The following FAAH2 variants were observed in gnomAD, a reference collection of about 807,000 sequenced individuals.
The protein encoded by FAAH2 is fatty acid amide hydrolase 2, also known as fatty-acid amide hydrolase 2.
Under a neutral mutation model 36.9 loss-of-function variants are expected in FAAH2, and 60 were observed. The observed-to-expected ratio is 1.63, with a 90% CI of 1.32 to 2.02. The LOEUF (loss-of-function observed/expected upper bound fraction) is 2.02. FAAH2 is among the 30% of genes most tolerant of loss of function. The pLI, the probability that FAAH2 is intolerant of heterozygous loss-of-function variation, is 0.00. For missense variants in FAAH2, 689 were observed against 397.5 expected (o/e 1.73, Z -6.23); for synonymous variants, 214 against 143.8 (o/e 1.49, Z -3.49).
chrX:57,434,283 G>T lies in FAAH2; in HGVS notation c.1116+2246G>T, dbSNP rs555692994. On this transcript the variant is annotated intron_variant, in intron 8 of 10. Coordinates refer to ENST00000374900, the MANE Select transcript of FAAH2 (RefSeq NM_174912.4). ...TAGAGATGGGGTTTCACCATTTTTG[G>T]CCAGGCTAGTCTCAAACTCCTGACC... 3.7e-5 allele frequency among the ~76,000 whole-genome samples: 4 copies of T among 108,311 alleles called. No homozygotes were observed. In the Admixed American group the frequency reaches 4.0e-4, roughly 11 times the overall value. The allele number at this position is 108,311 out of a possible 115,157, so 94.1% of individuals were successfully genotyped here.
intron 5 of FAAH2, among the ~76,000 whole-genome samples, chrX:57,368,261 C>A (rs1454362176): frequency 9.9e-6 from 1 of 100,769 alleles, no homozygotes; most frequent in Non-Finnish European, 2.0e-5. Flanking sequence ...ATAGTTAGTG[C>A]TGTGCACAGC....
At chrX:57,189,690 C>T in the FAAH2 span, among the ~76,000 whole-genome samples, 1 of 111,621 alleles carries the variant, frequency 9.0e-6, no homozygotes, top group African/African-American at 3.3e-5. Flanking sequence ...ACTCCAGACC[C>T]TATTTGTTTG....
chrX:57,419,866 T>C (rs1262509065), intron 7 of FAAH2, among the ~76,000 whole-genome samples: 2 of 112,066 alleles, frequency 1.8e-5, no homozygotes, highest in South Asian at 3.7e-4. Flanking sequence ...AACATGTAAG[T>C]CTTTAATCCA....
At chrX:57,166,572 G>C in the FAAH2 span, among the ~76,000 whole-genome samples, 1 of 112,298 alleles carries the variant, frequency 8.9e-6, no homozygotes, top group African/African-American at 3.2e-5. Context: ...TGTTTCAATG[G>C]TATTATGTGA....
chrX:57,321,765 T>C, intron 3 of FAAH2, among the ~76,000 whole-genome samples: 1 of 111,178 alleles, frequency 9.0e-6, no homozygotes, highest in African/African-American at 3.3e-5. Flanking sequence ...TTAGTATTGA[T>C]ATGTATGGAT....
At chrX:57,369,721 G>C (rs1022784369) in intron 5 of FAAH2, among the ~76,000 whole-genome samples, 2 of 111,877 alleles carry the variant, frequency 1.8e-5, no homozygotes, top group African/African-American at 6.5e-5. Context: ...GAGTGATTCA[G>C]CTGGAAGTAA....
At chrX:57,454,182 T>G (rs771819624) in intron 10 of FAAH2, among the ~76,000 whole-genome samples, 1 of 111,937 alleles carries the variant, frequency 8.9e-6, no homozygotes, top group Non-Finnish European at 1.9e-5. Context: ...CTGCTGGATC[T>G]CAGGTCAAAA....
intron 9 of FAAH2, among the ~76,000 whole-genome samples, chrX:57,447,912 G>A (rs2056711853): frequency 8.9e-6 from 1 of 112,167 alleles, no homozygotes; most frequent in African/African-American, 3.2e-5. Flanking sequence ...GTAAATTTCT[G>A]CAGCCGGCTT....
chrX:57,212,683 T>C, the FAAH2 span, among the ~76,000 whole-genome samples: 1 of 112,374 alleles, frequency 8.9e-6, no homozygotes, highest in African/African-American at 3.2e-5. Context: ...TTTTAAAGTA[T>C]AAAAAGAATT....
the FAAH2 span, among the ~76,000 whole-genome samples, chrX:57,260,686 T>C: frequency 1.8e-5 from 2 of 111,552 alleles, no homozygotes; most frequent in Non-Finnish European, 3.8e-5. Flanking sequence ...TCAGTAATAA[T>C]AAGTCAAGAA....
At chrX:57,282,149 C>T (rs1038186950), upstream of FAAH2, among the ~76,000 whole-genome samples, 1 of 111,936 alleles carries the variant, frequency 8.9e-6, no homozygotes, top group African/African-American at 3.2e-5. Flanking sequence ...AAACAAAATG[C>T]CTTCCACAAT....
chrX:57,426,411 C>G (rs1454638447), intron 7 of FAAH2, among the ~76,000 whole-genome samples: 2 of 111,536 alleles, frequency 1.8e-5, no homozygotes, highest in African/African-American at 3.2e-5. Flanking sequence ...CCAAGTAGAC[C>G]TAATAGACAT....
Position 57,483,611 on chromosome X carries a change from C to T in FAAH2, c.1424-5146C>T, listed in dbSNP as rs774686374. The stretch of plus-strand genomic sequence containing the variant: ...TTTCATGGTGCCAGATTTCTTATGC[C>T]GAGTTCTTCTCATCTGGAGGTATTG... On this transcript the variant is annotated intron_variant, in intron 10 of 10. Transcript: ENST00000374900. Among the ~76,000 whole-genome samples, 8 of 109,732 alleles carry T rather than the reference C, an allele frequency of 7.3e-5. No homozygotes were observed. In the South Asian group the frequency reaches 2.3e-3, roughly 32 times the overall value.
At chrX:57,455,635 A>G (rs2056852666) in intron 10 of FAAH2, among the ~76,000 whole-genome samples, 1 of 112,152 alleles carries the variant, frequency 8.9e-6, no homozygotes, top group Non-Finnish European at 1.9e-5. Context: ...CAACAACAAC[A>G]AAAGATCAGG....
intron 5 of FAAH2, among the ~76,000 whole-genome samples, chrX:57,351,167 T>A (rs1401252843): frequency 9.0e-6 from 1 of 111,455 alleles, no homozygotes; most frequent in African/African-American, 3.2e-5. Flanking sequence ...GGAACACTAC[T>A]AGAAATTAAT....
At chrX:57,250,981 G>A in the FAAH2 span, among the ~76,000 whole-genome samples, 1 of 111,553 alleles carries the variant, frequency 9.0e-6, no homozygotes, top group East Asian at 2.8e-4. Context: ...AAATTCATTA[G>A]GAGATAACAC....
At chrX:57,406,578 C>G (rs2055572761) in intron 7 of FAAH2, among the ~76,000 whole-genome samples, 2 of 112,467 alleles carry the variant, frequency 1.8e-5, no homozygotes, top group African/African-American at 6.5e-5. Context: ...TATAATGCCC[C>G]TGACACAGGG....
Position 57,422,549 on chromosome X carries a change from C to G in FAAH2, c.997-9369C>G, listed in dbSNP as rs936731042. On this transcript the variant is annotated intron_variant, in intron 7 of 10. Transcript: ENST00000374900. The stretch of plus-strand genomic sequence containing the variant: ...TAATCGCAAGATGGTTTCATGGACT[C>G]ACTGTACACGCTGTGAAATGAATGT... Among the ~76,000 whole-genome samples, 6 of 111,765 alleles carry G rather than the reference C, an allele frequency of 5.4e-5. No individual in the cohort carries two copies. In the Admixed American group the frequency reaches 5.7e-4, roughly 11 times the overall value.
At chrX:57,185,626 G>A in the FAAH2 span, among the ~76,000 whole-genome samples, 1 of 109,645 alleles carries the variant, frequency 9.1e-6, no homozygotes, top group Admixed American at 9.8e-5. Context: ...ATGCCATGGT[G>A]ATTTACCACA....
Sources: gnomAD v4.1 joint callset for allele counts (sites outside exome capture counted in the v4.1 genomes callset) on GRCh38, gnomAD v4.1.1 for gene constraint, MANE v1.5 for transcripts, NCBI Gene and HGNC (gene_info 2026-07-23, HGNC 2026-07-21) for gene names.